Variants in ZFYVE9 observed in about 807,000 individuals in gnomAD.
The protein encoded by ZFYVE9 is zinc finger FYVE domain-containing protein 9.
A neutral mutation model predicts 126.7 loss-of-function variants in ZFYVE9; 43 were observed. The observed-to-expected ratio is 0.34, with a 90% CI of 0.27 to 0.44. The LOEUF (loss-of-function observed/expected upper bound fraction) is 0.44. Ranked by LOEUF, ZFYVE9 falls within the 20% of genes least tolerant of loss-of-function variation. The probability of loss-of-function intolerance (pLI) is 1.00; values close to 1 mark genes in which losing one functional copy is unlikely to be tolerated. For synonymous variants in ZFYVE9, 521 were observed against 597.4 expected, an observed-to-expected ratio of 0.87 and a Z score of 1.87; for missense variants, 1,476 against 1,697.0, an observed-to-expected ratio of 0.87 and a Z score of 2.29.
intron 2 of ZFYVE9, among the ~76,000 whole-genome samples, chr1:52,222,316 C>T (rs1480508995): frequency 2.6e-5 from 4 of 152,322 alleles, no homozygotes; most frequent in Middle Eastern, 3.4e-3. Context: ...TCCATCAGTA[C>T]TGTTGTTTTC....
intron 1 of ZFYVE9, among the ~76,000 whole-genome samples, chr1:52,153,556 T>A (rs1040707344): frequency 6.6e-6 from 1 of 152,154 alleles, no homozygotes; most frequent in African/African-American, 2.4e-5. Flanking sequence ...ATCATCTGAG[T>A]CCCACACATA....
At chr1:52,215,129 ATAGAGT>A (rs1348129976) in intron 1 of ZFYVE9, among the ~76,000 whole-genome samples, 1 of 152,220 alleles carries the variant, frequency 6.6e-6, no homozygotes, top group African/African-American at 2.4e-5. Context: ...CCTTGAATCT[ATAGAGT>A]TAATTTTGTT....
rs71579908 is a variant in ZFYVE9 at position 52,157,394 on chromosome 1, CTTTTTTTTTTT to C, written c.-143+15005_-143+15015del. Among the ~76,000 whole-genome samples the C allele has an allele frequency of 1.4e-4, 8 of 58,444 alleles. No individual in the cohort carries two copies. The South Asian group carries it at 2.9e-3, about 21-fold the overall frequency. 38.3% of individuals were successfully genotyped at this position (58,444 alleles called of 152,430 possible). A position where few individuals can be genotyped will look rare whatever the true frequency, so the allele number is the denominator to read the frequency against. ...TTTTTTCCTTATGGCACCATATTCTCTTTTTTTTTTTTTTTTTTTTTTTTGAGATGGAGTCT... is the reference window on the plus strand; with the variant it reads ...TTTTTTCCTTATGGCACCATATTCTCTTTTTTTTTTTTTGAGATGGAGTCT... On this transcript the variant is annotated intron_variant, in intron 1 of 18. Coordinates refer to ENST00000287727, the MANE Select transcript of ZFYVE9 (RefSeq NM_004799.4).
intron 2 of ZFYVE9, among the ~76,000 whole-genome samples, chr1:52,225,076 C>T (rs920546262): frequency 1.3e-5 from 2 of 152,186 alleles, no homozygotes; most frequent in African/African-American, 4.8e-5. Context: ...TGGCGTGTCT[C>T]ACTCACACAC....
At chr1:52,287,328 G>A (rs1240494131) in intron 10 of ZFYVE9, among the ~76,000 whole-genome samples, 1 of 152,044 alleles carries the variant, frequency 6.6e-6, no homozygotes, top group African/African-American at 2.4e-5. Flanking sequence ...AGCCAGGCTG[G>A]TCTTGAACTC....
At chr1:52,180,015 G>A in intron 1 of ZFYVE9, 3 of 875,028 alleles carry the variant, frequency 3.4e-6, no homozygotes, top group Non-Finnish European at 5.9e-6. Flanking sequence ...GGATCGTGAA[G>A]ACAAGTTTAA....
intron 3 of ZFYVE9, 147 bp downstream of exon 3, chr1:52,233,423 C>T: frequency 2.3e-6 from 1 of 438,056 alleles, no homozygotes; most frequent in Non-Finnish European, 3.8e-6. Flanking sequence ...GAAGAAATAA[C>T]ATTTTTTAGC....
intron 1 of ZFYVE9, among the ~76,000 whole-genome samples, chr1:52,211,041 G>T (rs1204551817): frequency 6.6e-6 from 1 of 152,178 alleles, no homozygotes; most frequent in Non-Finnish European, 1.5e-5. Context: ...ATTCACATGT[G>T]TAGAGATTCA....
chr1:52,144,582 A>G (rs765643315), intron 1 of ZFYVE9, among the ~76,000 whole-genome samples: 25 of 149,306 alleles, frequency 1.7e-4, no homozygotes, highest in Non-Finnish European at 3.1e-4. Context: ...GAAGGTGTCT[A>G]TTTTCTAGCA....
rs1484217562 is a variant in ZFYVE9, at chr1:52,142,940, C to T, written c.-143+537C>T. 6.6e-6 allele frequency among the ~76,000 whole-genome samples: 1 copy of T among 152,130 alleles called. No individual in the cohort carries two copies. The highest frequency in any genetic ancestry group is 1.5e-5 in the Non-Finnish European group (1 of 68,002). ...GAGTGTCATTCATGGATCTGGCTTG[C>T]TCGAGAACAACCTTTTGCGTCTTAT... is the stretch of plus-strand genomic sequence containing the variant. On this transcript the variant is annotated intron_variant, in intron 1 of 18. Coordinates refer to ENST00000287727, the MANE Select transcript of ZFYVE9 (RefSeq NM_004799.4). This position sits in a 1 kb window ranked among gnomAD's most constrained non-coding sequence, Gnocchi z 4.5.
chr1:52,260,205 A>G (rs1451682483), intron 4 of ZFYVE9, among the ~76,000 whole-genome samples: 1 of 148,218 alleles, frequency 6.7e-6, no homozygotes, highest in Non-Finnish European at 1.5e-5. Flanking sequence ...TCAGTGTTTA[A>G]AAAAAAAATC....
intron 1 of ZFYVE9, among the ~76,000 whole-genome samples, chr1:52,163,524 T>C (rs949503004): frequency 6.6e-6 from 1 of 152,180 alleles, no homozygotes; most frequent in Non-Finnish European, 1.5e-5. Flanking sequence ...TTTCTTTTAG[T>C]TTAGGTCTGT....
At chr1:52,320,551 G>C (rs1003905638) in intron 13 of ZFYVE9, among the ~76,000 whole-genome samples, 1 of 152,154 alleles carries the variant, frequency 6.6e-6, no homozygotes, top group Non-Finnish European at 1.5e-5. Flanking sequence ...GAACAAAAAT[G>C]GTCTTTATAA....
At chr1:52,266,942 T>C in intron 6 of ZFYVE9, 111 bp downstream of exon 6, 1 of 1,010,094 alleles carries the variant, frequency 9.9e-7, no homozygotes, top group South Asian at 2.2e-5. Flanking sequence ...TAAGTCTCTT[T>C]GGGTGGTTAT....
intron 8 of ZFYVE9, 140 bp downstream of exon 8, chr1:52,274,724 G>A (rs1202894420): frequency 6.7e-6 from 6 of 900,458 alleles, no homozygotes; most frequent in South Asian, 3.5e-5. Flanking sequence ...TATGAAAATG[G>A]TTGTTGCTGT....
chr1:52,177,295 A>G (rs997548200), intron 1 of ZFYVE9, among the ~76,000 whole-genome samples: 1 of 152,090 alleles, frequency 6.6e-6, no homozygotes, highest in Non-Finnish European at 1.5e-5. Context: ...GATTACAGGC[A>G]TGAGCTACCA....
At chr1:52,263,276 T>A (rs979354409) in intron 4 of ZFYVE9, among the ~76,000 whole-genome samples, 3 of 152,120 alleles carry the variant, frequency 2.0e-5, no homozygotes, top group Non-Finnish European at 4.4e-5. Context: ...GTTGTATATA[T>A]TGACCCTTGG....
At chr1:52,210,967 C>T (rs1346465806) in intron 1 of ZFYVE9, among the ~76,000 whole-genome samples, 1 of 152,084 alleles carries the variant, frequency 6.6e-6, no homozygotes, top group Non-Finnish European at 1.5e-5. Context: ...GTATTTCTCT[C>T]TTAGGGTTTT....
chr1:52,191,361 A>T (rs1034842099), intron 1 of ZFYVE9, among the ~76,000 whole-genome samples: 1 of 152,232 alleles, frequency 6.6e-6, no homozygotes, highest in Non-Finnish European at 1.5e-5. Context: ...GGCTAAGGTC[A>T]CTGAAAAGTT....
Sources: allele counts gnomAD v4.1 joint callset (sites outside exome capture counted in the v4.1 genomes callset), GRCh38; gene constraint gnomAD v4.1.1; non-coding constraint Gnocchi (gnomAD v3.1); transcripts MANE v1.5; gene names NCBI Gene and HGNC (gene_info 2026-07-23, HGNC 2026-07-21).